Variants in LINGO1 observed in about 807,000 individuals in gnomAD.
The protein encoded by LINGO1 is leucine rich repeat and Ig domain containing 1, also known as leucine-rich repeat and immunoglobulin-like domain-containing nogo receptor-interacting protein 1.
A neutral mutation model predicts 37.3 loss-of-function variants in LINGO1; 11 were observed. The ratio of observed to expected loss-of-function variants is 0.29; its 90% CI spans 0.19 to 0.49. The LOEUF (loss-of-function observed/expected upper bound fraction) is 0.49, where lower values mean the gene tolerates loss of function less well. Among genes scored for constraint, LINGO1 ranks in the 20% least tolerant of loss-of-function variants. LINGO1 has a pLI of 0.99. For synonymous variants in LINGO1, 387 were observed against 403.0 expected, an observed-to-expected ratio of 0.96 and a Z score of 0.48; for missense variants, 585 against 878.2, an observed-to-expected ratio of 0.67 and a Z score of 4.22.
intron 1 of LINGO1, among the ~76,000 whole-genome samples, chr15:77,762,961 C>T (rs975219292): frequency 3.3e-5 from 5 of 152,186 alleles, no homozygotes; most frequent in South Asian, 2.1e-4. Context: ...GTGCCTGGCA[C>T]GTAGTAGGTG....
rs142492310 is a variant in LINGO1, at chr15:77,665,545, T to C, written c.-13+11544A>G. 5.1e-3 allele frequency among the ~76,000 whole-genome samples: 771 copies of C among 152,282 alleles called. 5 individuals carry two copies. Among genetic ancestry groups the C allele is most frequent in the Non-Finnish European group, 7.6e-3 (520 of 68,010 alleles). On this transcript the variant is annotated intron_variant, in intron 3 of 3. Coordinates refer to the LINGO1 transcript ENST00000559893. ...GACCCAGCACAGATGAGTGCAACCATAGTTGCGAGTGCCCTTCAGGCCAGC... is the reference window on the plus strand; with the variant it reads ...GACCCAGCACAGATGAGTGCAACCACAGTTGCGAGTGCCCTTCAGGCCAGC...
At chr15:77,776,488 AGCAGGAAG>A (rs1204753224) in intron 1 of LINGO1, among the ~76,000 whole-genome samples, 70 of 90,682 alleles carry the variant, frequency 7.7e-4, no homozygotes, top group African/African-American at 3.1e-3. Context: ...AAGGCAGGAA[AGCAGGAAG>A]GCAGGAAGGC....
chr15:77,716,280 C>CTTTTTTTTTTTTTTTTTT (rs5813879), intron 2 of LINGO1, among the ~76,000 whole-genome samples: 1 of 119,266 alleles, frequency 8.4e-6, no homozygotes, highest in Non-Finnish European at 1.7e-5. Flanking sequence ...TCTTCTTCTT[C>CTTTTTTTTTTTTTTTTTT]TTTTTTTTTT....
At chr15:77,715,611 GTTTCCACAAAGAAATA>G (rs1251753500) in intron 2 of LINGO1, among the ~76,000 whole-genome samples, 1 of 152,248 alleles carries the variant, frequency 6.6e-6, no homozygotes, top group Non-Finnish European at 1.5e-5. Context: ...CTCAGATGCA[GTTTCCACAAAGAAATA>G]ATGGGAACAA....
In LINGO1 at chr15:77,813,991, C is replaced by G. The variant is rs59403190; in HGVS notation, c.-458+6267G>C. On this transcript the variant is annotated intron_variant, in intron 1 of 5. Coordinates refer to the LINGO1 transcript ENST00000562933. ...CACTCGTCCCTGGGCTCTCCTGCCCCCTAGGAAGCCCCCCCAATCTCAGCC... is the reference window on the plus strand; with the variant it reads ...CACTCGTCCCTGGGCTCTCCTGCCCGCTAGGAAGCCCCCCCAATCTCAGCC... Among the ~76,000 whole-genome samples, 739 of 149,944 alleles carry G rather than the reference C, an allele frequency of 4.9e-3. 19 individuals are homozygous for G. The East Asian group carries it at 0.077, about 16-fold the overall frequency.
chr15:77,774,776 G>C (rs1350913173), intron 1 of LINGO1, among the ~76,000 whole-genome samples: 1 of 152,098 alleles, frequency 6.6e-6, no homozygotes, highest in Non-Finnish European at 1.5e-5. Flanking sequence ...ATTGGGTCCT[G>C]ACCCTGGTCA....
intron 1 of LINGO1, among the ~76,000 whole-genome samples, chr15:77,769,599 G>C (rs543728160): frequency 2.6e-5 from 4 of 152,310 alleles, no homozygotes; most frequent in Non-Finnish European, 5.9e-5. Flanking sequence ...CTGGAGGCAA[G>C]GATGGAGGCA....
At chr15:77,635,995 C>G (rs1448162140), upstream of LINGO1, among the ~76,000 whole-genome samples, 1 of 152,248 alleles carries the variant, frequency 6.6e-6, no homozygotes, top group Non-Finnish European at 1.5e-5. Context: ...ACCATGTATT[C>G]AGCCCTTACT....
intron 2 of LINGO1, among the ~76,000 whole-genome samples, chr15:77,713,615 TTACA>T (rs1173440022): frequency 1.3e-4 from 19 of 151,968 alleles, no homozygotes; most frequent in African/African-American, 3.1e-4. Flanking sequence ...ATATAAACAC[TTACA>T]TACACACACG....
chr15:77,718,755 G>C (rs908588078), intron 2 of LINGO1, among the ~76,000 whole-genome samples: 1 of 150,676 alleles, frequency 6.6e-6, no homozygotes, highest in Non-Finnish European at 1.5e-5. Flanking sequence ...GGATGCCTGG[G>C]CTCTGTGCCT....
At chr15:77,743,371 T>C (rs539595846) in intron 1 of LINGO1, among the ~76,000 whole-genome samples, 1 of 152,208 alleles carries the variant, frequency 6.6e-6, no homozygotes, top group South Asian at 2.1e-4. Context: ...CATGACTCCT[T>C]TCCCCCATTA....
chr15:77,793,213 G>C (rs1246695678), intron 2 of LINGO1, among the ~76,000 whole-genome samples: 60 of 152,112 alleles, frequency 3.9e-4, no homozygotes, highest in Admixed American at 3.9e-3. Context: ...GAGAGCAGAG[G>C]GTCTTGGTTT....
intron 2 of LINGO1, among the ~76,000 whole-genome samples, chr15:77,730,059 C>T (rs1172866721): frequency 6.6e-6 from 1 of 151,968 alleles, no homozygotes; most frequent in Non-Finnish European, 1.5e-5. Context: ...ACTGGAGGTC[C>T]GGGGTTGGGA....
Position 77,736,543 on chromosome 15 carries a change from G to A in LINGO1, c.-256-1490C>T, listed in dbSNP as rs1489400747. Among the ~76,000 whole-genome samples the A allele has an allele frequency of 3.3e-5, 5 of 152,234 alleles. No homozygotes were observed. The South Asian group carries it at 8.3e-4, about 25-fold the overall frequency. On this transcript the variant is annotated intron_variant, in intron 1 of 3. Transcript: ENST00000561686. Reference sequence around the variant, plus strand: ...TTTGGGAGGCTGAAGGGGTAGGATCGCTTGAGCCCAGGAGTTCAAGACCAG... The same window carrying A: ...TTTGGGAGGCTGAAGGGGTAGGATCACTTGAGCCCAGGAGTTCAAGACCAG...
intron 1 of LINGO1, among the ~76,000 whole-genome samples, chr15:77,812,102 C>T (rs1166988531): frequency 1.3e-5 from 2 of 152,214 alleles, no homozygotes; most frequent in African/African-American, 4.8e-5. Flanking sequence ...AATCGCTTTT[C>T]ACAAATTCCA....
chr15:77,819,841 T>G (rs1204710089), intron 1 of LINGO1, among the ~76,000 whole-genome samples: 1 of 150,948 alleles, frequency 6.6e-6, no homozygotes, highest in Non-Finnish European at 1.5e-5. Context: ...CTTCTCGCAC[T>G]CCCGCGGGAA....
chr15:77,759,972 G>T (rs1256424281), intron 1 of LINGO1, among the ~76,000 whole-genome samples: 4 of 152,240 alleles, frequency 2.6e-5, no homozygotes, highest in African/African-American at 9.6e-5. Flanking sequence ...CACCCCGGAG[G>T]GAGGGGATGT....
At chr15:77,636,868 A>G (rs2074407115), upstream of LINGO1, among the ~76,000 whole-genome samples, 1 of 152,092 alleles carries the variant, frequency 6.6e-6, no homozygotes, top group Non-Finnish European at 1.5e-5. Context: ...TGGATTGAGA[A>G]GTGGCAGAAA....
At chr15:77,725,281 C>T (rs74825386) in intron 2 of LINGO1, among the ~76,000 whole-genome samples, 5 of 152,180 alleles carry the variant, frequency 3.3e-5, no homozygotes, top group East Asian at 1.9e-4. Flanking sequence ...CTTGGCTGGG[C>T]GAGGTGGCTC....
Sources: gnomAD v4.1 joint callset for allele counts (sites outside exome capture counted in the v4.1 genomes callset) on GRCh38, gnomAD v4.1.1 for gene constraint, MANE v1.5 for transcripts, NCBI Gene and HGNC (gene_info 2026-07-23, HGNC 2026-07-21) for gene names.